Variants in CCDC148 observed in about 807,000 individuals in gnomAD.
The protein encoded by CCDC148 is coiled-coil domain-containing protein 148.
In CCDC148, 89 loss-of-function variants were observed where a neutral mutation model predicts 85.7. The ratio of observed to expected loss-of-function variants is 1.04; its 90% CI spans 0.87 to 1.24. CCDC148 has a LOEUF of 1.24. Ranked by LOEUF, CCDC148 falls within the 50% of genes most tolerant of loss-of-function variation. CCDC148 has a pLI of 0.00. For synonymous variants in CCDC148, 230 were observed against 213.9 expected (o/e 1.08, Z -0.66); for missense variants, 692 against 671.7 (o/e 1.03, Z -0.33).
At chr2:158,311,435 C>T (rs899792703) in intron 8 of CCDC148, among the ~76,000 whole-genome samples, 2 of 152,020 alleles carry the variant, frequency 1.3e-5, no homozygotes, top group African/African-American at 2.4e-5. Flanking sequence ...AGTCCAGCCT[C>T]GGCAACAGAG....
intron 1 of CCDC148, among the ~76,000 whole-genome samples, chr2:158,388,635 C>T (rs1382767457): frequency 6.6e-6 from 1 of 152,082 alleles, no homozygotes; most frequent in Non-Finnish European, 1.5e-5. Context: ...GCTGGGACTA[C>T]TGGTGCCCGC....
Position 158,283,928 on chromosome 2 carries a change from A to G in CCDC148, c.1110+25505T>C, listed in dbSNP as rs1690479100. Among the ~76,000 whole-genome samples, 3 of 151,888 alleles carry G rather than the reference A, an allele frequency of 2.0e-5. No individual in the cohort carries two copies. The South Asian group carries it at 6.3e-4, about 32-fold the overall frequency. On this transcript the variant is annotated intron_variant, in intron 9 of 13. Transcript: ENST00000283233. ...TAAGAAAATGTGGCACATATACACC[A>G]TGGAATACTATGCAGCCATAAAAAA...
intron 1 of CCDC148, among the ~76,000 whole-genome samples, chr2:158,394,716 C>T (rs1038104515): frequency 6.6e-6 from 1 of 151,986 alleles, no homozygotes; most frequent in African/African-American, 2.4e-5. Context: ...CCTCTGTTCC[C>T]TTTCATGAGC....
At chr2:158,373,296 G>A (rs749474615) in intron 1 of CCDC148, among the ~76,000 whole-genome samples, 52 of 151,982 alleles carry the variant, frequency 3.4e-4, no homozygotes, top group Non-Finnish European at 5.9e-4. Flanking sequence ...AAGGAATACA[G>A]CCCTGCCCAC....
At chr2:158,350,855 C>T (rs78219577) in intron 2 of CCDC148, among the ~76,000 whole-genome samples, 26,997 of 151,984 alleles carry the variant, frequency 0.18, 3,114 homozygotes, top group Middle Eastern at 0.26. Flanking sequence ...GTATTTTGCA[C>T]GGCCATCGTC....
intron 3 of CCDC148, among the ~76,000 whole-genome samples, chr2:158,343,146 C>T (rs1219685955): frequency 1.3e-5 from 2 of 152,092 alleles, no homozygotes; most frequent in South Asian, 2.1e-4. Flanking sequence ...CAGCCTCCCA[C>T]GTAGCTGGGA....
chr2:158,352,849 G>A (rs189026299), intron 2 of CCDC148, among the ~76,000 whole-genome samples: 1 of 152,200 alleles, frequency 6.6e-6, no homozygotes, highest in Non-Finnish European at 1.5e-5. Context: ...ACTCTCAAAG[G>A]GAAGCCCATC....
At chr2:158,185,720 C>T (rs776381081) in intron 11 of CCDC148, among the ~76,000 whole-genome samples, 108 of 152,122 alleles carry the variant, frequency 7.1e-4, no homozygotes, top group Admixed American at 1.1e-3. Context: ...TCTGCCACAA[C>T]TTATTTATTC....
At chr2:158,274,700 C>T (rs140038739) in intron 9 of CCDC148, among the ~76,000 whole-genome samples, 10 of 152,220 alleles carry the variant, frequency 6.6e-5, no homozygotes, top group Middle Eastern at 6.8e-3. Context: ...TGACAACCAA[C>T]GGTTATGAGA....
At chr2:158,270,116 C>T (rs1689634835) in intron 9 of CCDC148, among the ~76,000 whole-genome samples, 1 of 152,098 alleles carries the variant, frequency 6.6e-6, no homozygotes, top group Non-Finnish European at 1.5e-5. Context: ...CAATTAGAAT[C>T]ATAAGGAGAT....
chr2:158,226,361 T>A (rs76492695), intron 10 of CCDC148, among the ~76,000 whole-genome samples: 80,695 of 151,866 alleles, frequency 0.53, 23,951 homozygotes, highest in East Asian at 0.72. Context: ...TTCACAGCCA[T>A]ATTCTATCAG....
chr2:158,305,897 C>A (rs369753584), intron 9 of CCDC148, among the ~76,000 whole-genome samples: 18 of 152,112 alleles, frequency 1.2e-4, no homozygotes, highest in African/African-American at 4.1e-4. Context: ...AAAACTGTAA[C>A]GTAGCCATGT....
intron 1 of CCDC148, among the ~76,000 whole-genome samples, chr2:158,379,945 A>C (rs760481831): frequency 6.6e-6 from 1 of 152,022 alleles, no homozygotes; most frequent in Non-Finnish European, 1.5e-5. Context: ...TCCAAGGTAC[A>C]CCTGTACCAA....
intron 1 of CCDC148, chr2:158,425,358 G>T: frequency 4.2e-6 from 2 of 480,996 alleles, no homozygotes; most frequent in South Asian, 1.6e-5. Flanking sequence ...CCATCTTGCA[G>T]GATGACATTG....
At chr2:158,313,613 C>CTAT in intron 8 of CCDC148, 143 bp downstream of exon 8, 2 of 893,958 alleles carry the variant, frequency 2.2e-6, no homozygotes, top group South Asian at 4.8e-5. Context: ...GGCTTTCAAA[C>CTAT]TATTATATAA....
Position 158,308,056 on chromosome 2 carries a change from C to T in CCDC148, c.1110+1377G>A, listed in dbSNP as rs769793455. On this transcript the variant is annotated intron_variant, in intron 9 of 13. Coordinates refer to ENST00000283233, the MANE Select transcript of CCDC148 (RefSeq NM_138803.4). ...TTGCATTTTCGTCTAGCACCTCAGT[C>T]TGATGTGCATGTCTATGGTTGGTAT... Among the ~76,000 whole-genome samples, 3 of 152,160 alleles carry T rather than the reference C, an allele frequency of 2.0e-5. No individual in the cohort carries two copies. In the East Asian group the frequency reaches 5.8e-4, roughly 29 times the overall value.
chr2:158,286,109 C>G (rs572004804), intron 9 of CCDC148, among the ~76,000 whole-genome samples: 2 of 151,854 alleles, frequency 1.3e-5, no homozygotes, highest in African/African-American at 4.8e-5. Flanking sequence ...TATTAGTATA[C>G]CAAGGTTGCT....
intron 9 of CCDC148, among the ~76,000 whole-genome samples, chr2:158,263,461 T>C (rs539554307): frequency 6.6e-6 from 1 of 152,194 alleles, no homozygotes; most frequent in Admixed American, 6.6e-5. Flanking sequence ...GATTATATGC[T>C]CCCTGTATTC....
At chr2:158,381,443 G>C (rs541048139) in intron 1 of CCDC148, among the ~76,000 whole-genome samples, 2 of 152,198 alleles carry the variant, frequency 1.3e-5, no homozygotes, top group East Asian at 3.9e-4. Context: ...TAGGGTAGCT[G>C]AAATGAAAAA....
Sources: allele counts gnomAD v4.1 joint callset (sites outside exome capture counted in the v4.1 genomes callset), GRCh38; gene constraint gnomAD v4.1.1; transcripts MANE v1.5; gene names NCBI Gene and HGNC (gene_info 2026-07-23, HGNC 2026-07-21).